Variants in EPAS1 observed in about 807,000 individuals in gnomAD.
The protein encoded by EPAS1 is endothelial PAS domain-containing protein 1.
A neutral mutation model predicts 87.9 loss-of-function variants in EPAS1; 23 were observed. The observed-to-expected ratio is 0.26, with a 90% confidence interval of 0.19 to 0.37. The LOEUF is 0.37. Among genes scored for constraint, EPAS1 ranks in the 10% least tolerant of loss-of-function variants. The probability of loss-of-function intolerance (pLI) is 1.00; values close to 1 mark genes in which losing one functional copy is unlikely to be tolerated. For synonymous variants in EPAS1, 508 were observed against 444.3 expected (o/e 1.14, Z -1.80); for missense variants, 1,138 against 1,120.7 (o/e 1.02, Z -0.22).
In EPAS1 at chr2:46,297,932, G is replaced by A. The variant is rs1167162271; in HGVS notation, c.21G>A (p.Lys7=). MTADKE[K]KRSSSERRKE... ...CGACAATGACAGCTGACAAGGAGAA[G>A]AAAAGGTAAGCGGGCGTCCGGGCCG... Residue 7 remains lysine (K), a synonymous_variant, in exon 1 of 16, where the codon AAG becomes AAA. Coordinates refer to ENST00000263734, the MANE Select transcript of EPAS1 (RefSeq NM_001430.5). 2 of 1,612,508 alleles carry A rather than the reference G, an allele frequency of 1.2e-6. No homozygotes were observed. Among genetic ancestry groups the A allele is most frequent in the Non-Finnish European group, 1.7e-6 (2 of 1,179,384 alleles).
intron 1 of EPAS1, among the ~76,000 whole-genome samples, chr2:46,343,696 C>T (rs1683954842): frequency 6.6e-6 from 1 of 152,220 alleles, no homozygotes; most frequent in Non-Finnish European, 1.5e-5. Flanking sequence ...CAAGAGGCTG[C>T]CTAAGATTCT....
At chr2:46,336,119 A>T (rs1367199609) in intron 1 of EPAS1, among the ~76,000 whole-genome samples, 1 of 152,154 alleles carries the variant, frequency 6.6e-6, no homozygotes, top group African/African-American at 2.4e-5. Context: ...TGGGCTGGGG[A>T]TGGAGGCCAA....
chr2:46,308,984 C>T (rs1683162760), intron 1 of EPAS1, among the ~76,000 whole-genome samples: 1 of 152,236 alleles, frequency 6.6e-6, no homozygotes, highest in South Asian at 2.1e-4. Context: ...TGTCCCTGAT[C>T]ACCACTCAAG....
rs764986922 is a variant in EPAS1 at position 46,360,851 on chromosome 2, G to T, written c.574-34G>T. 5 of 1,613,966 alleles carry T rather than the reference G, an allele frequency of 3.1e-6. No homozygotes were observed. The East Asian group carries it at 1.1e-4, about 36-fold the overall frequency. On this transcript the variant is annotated intron_variant, in intron 5 of 15. Coordinates refer to ENST00000263734, the MANE Select transcript of EPAS1 (RefSeq NM_001430.5). This position sits in a 1 kb window ranked among gnomAD's most constrained non-coding sequence, Gnocchi z 4.5. Reference sequence around the variant, plus strand: ...CCCTACCCCCACCCCCAGCACTCTCGGCTCCATGTCTGACCCTTCCACGCC... The same window carrying T: ...CCCTACCCCCACCCCCAGCACTCTCTGCTCCATGTCTGACCCTTCCACGCC...
chr2:46,328,041 C>T (rs1412788476), intron 1 of EPAS1, among the ~76,000 whole-genome samples: 1 of 152,226 alleles, frequency 6.6e-6, no homozygotes, highest in East Asian at 1.9e-4. Flanking sequence ...TGGCAACAGC[C>T]TCAAATTTTT....
Position 46,346,486 on chromosome 2 carries a change from G to A in EPAS1, c.27-387G>A, listed in dbSNP as rs1228235832. The stretch of plus-strand genomic sequence containing the variant: ...TCCAGAGCCCTTGACAAAGCCATCT[G>A]AGCCACTGATCATAGCTTCCTTACC... On this transcript the variant is annotated intron_variant, in intron 1 of 15. Transcript: ENST00000263734. The surrounding 1 kb of genome is among the most constrained non-coding windows in gnomAD (Gnocchi z 4.0). Among the ~76,000 whole-genome samples, 3 of 152,174 alleles carry A rather than the reference G, an allele frequency of 2.0e-5. No individual in the cohort carries two copies. The highest frequency in any genetic ancestry group is 4.8e-5 in the African/African-American group (2 of 41,424).
chr2:46,369,335 C>T (rs1684574098), intron 6 of EPAS1, among the ~76,000 whole-genome samples: 1 of 152,124 alleles, frequency 6.6e-6, no homozygotes, highest in South Asian at 2.1e-4. Context: ...TACCTGGGGC[C>T]ACATAATTTT....
rs960839207 is a variant in EPAS1 at position 46,386,206 on chromosome 2, C to A, written c.*1546C>A. On this transcript the variant is annotated 3_prime_UTR_variant, in exon 16 of 16. Coordinates refer to ENST00000263734, the MANE Select transcript of EPAS1 (RefSeq NM_001430.5). Reference sequence around the variant, plus strand: ...AAGAGGGACGACACCTCTGGTTTTTCAATACCAATTACATGGAACTTTTCT... The same window carrying A: ...AAGAGGGACGACACCTCTGGTTTTTAAATACCAATTACATGGAACTTTTCT... 5.9e-5 allele frequency: 9 copies of A among 152,628 alleles called. No individual in the cohort carries two copies. Among genetic ancestry groups the A allele is most frequent in the African/African-American group, 2.2e-4 (9 of 41,448 alleles). The allele number at this position is 152,628 out of a possible 1,614,324, so 9.5% of individuals were successfully genotyped here.
In EPAS1 at chr2:46,380,595, A is replaced by G. The variant is rs142779299; in HGVS notation, c.1923A>G (p.Pro641=). Residue 641 remains proline, a synonymous_variant, in exon 12 of 16, where the codon CCA becomes CCG. Coordinates refer to ENST00000263734, the MANE Select transcript of EPAS1 (RefSeq NM_001430.5). This position sits in a 1 kb window ranked among gnomAD's most constrained non-coding sequence, Gnocchi z 4.4. ...GCAGATCCAATACCCAGTGGCCCCC[A>G]GATCCACCATTACATTTTGGGCCCA... ...MGGRSNTQWP[P]DPPLHFGPTK... is the part of the protein sequence containing the mutation. 26 of 1,613,908 alleles carry G rather than the reference A, an allele frequency of 1.6e-5. No homozygotes were observed. Among genetic ancestry groups the G allele is most frequent in the Non-Finnish European group, 1.2e-5 (14 of 1,179,972 alleles).
At chr2:46,331,741 T>A (rs1214991292) in intron 1 of EPAS1, among the ~76,000 whole-genome samples, 1 of 152,162 alleles carries the variant, frequency 6.6e-6, no homozygotes, top group Non-Finnish European at 1.5e-5. Flanking sequence ...ATTCAGAGTA[T>A]CCTGGACACA....
At chr2:46,373,169 C>CA (rs1684663608) in intron 7 of EPAS1, among the ~76,000 whole-genome samples, 1 of 152,142 alleles carries the variant, frequency 6.6e-6, no homozygotes, top group African/African-American at 2.4e-5. Context: ...CTCCCTGTGG[C>CA]ACAGGGTTTT....
chr2:46,349,691 G>A (rs943872880), intron 2 of EPAS1, among the ~76,000 whole-genome samples: 1 of 152,258 alleles, frequency 6.6e-6, no homozygotes, highest in African/African-American at 2.4e-5. Flanking sequence ...GCCCAGGGAG[G>A]AGGAGATGGT....
chr2:46,359,274 A>AAAAAAAAAAAAAAAAC, intron 4 of EPAS1, among the ~76,000 whole-genome samples: 2 of 148,664 alleles, frequency 1.3e-5, no homozygotes, highest in African/African-American at 2.5e-5. Flanking sequence ...AAAAAAAAAA[A>AAAAAAAAAAAAAAAAC]AAAAAAAGAT....
rs570553380 is a variant in EPAS1 at position 46,360,892 on chromosome 2, A to G, written c.581A>G (p.His194Arg). The G allele has an allele frequency of 9.1e-5, 147 of 1,614,116 alleles. 19 individuals carry two copies. In the Admixed American group the frequency reaches 2.4e-3, roughly 26 times the overall value. Residue 194 changes from histidine to arginine, a missense_variant, in exon 6 of 16, where the codon CAC (histidine) becomes CGC (arginine). Transcript: ENST00000263734. The surrounding 1 kb of genome is among the most constrained non-coding windows in gnomAD (Gnocchi z 4.5). ...NLKSATWKVL[H>R]CTGQVKVYNN... The stretch of plus-strand genomic sequence containing the variant: ...CTTCCACGCCTGTCTCAGGTCTTGC[A>G]CTGCACGGGCCAGGTGAAAGTCTAC...
intron 1 of EPAS1, among the ~76,000 whole-genome samples, chr2:46,315,652 A>G (rs1265183094): frequency 6.6e-6 from 1 of 152,138 alleles, no homozygotes; most frequent in Non-Finnish European, 1.5e-5. Flanking sequence ...CTTGCATAAT[A>G]TTTCCTTGCT....
At chr2:46,361,125 G>A (rs371711848) in intron 6 of EPAS1, 35 bp downstream of exon 6, 31 of 1,607,026 alleles carry the variant, frequency 1.9e-5, no homozygotes, top group Non-Finnish European at 2.6e-5. Flanking sequence ...TGTGGGCAGA[G>A]ATGGGTCTTA....
chr2:46,305,699 T>C (rs1487388544), intron 1 of EPAS1, among the ~76,000 whole-genome samples: 1 of 109,656 alleles, frequency 9.1e-6, no homozygotes, highest in Non-Finnish European at 1.8e-5. Context: ...CATACACCCC[T>C]AGTGACTTCT....
rs766752818 is a variant in EPAS1 at position 46,382,463 on chromosome 2, C to A, written c.2326C>A (p.Pro776Thr). The change falls in exon 15 of 16, where the codon CCC (proline) becomes ACC (threonine). Residue 776 changes from proline (P) to threonine (T), a missense_variant. Pro to Thr is a conservative substitution (Grantham distance 38, BLOSUM62 -1). This residue lies in a region of EPAS1 where 502 missense variants were observed against 427.1 expected (regional missense o/e 1.18). Coordinates refer to ENST00000263734, the MANE Select transcript of EPAS1 (RefSeq NM_001430.5). ...AAACCCCATGAGGGGCCTGGGCCAT[C>A]CCCTGAGACATCTGCCGCTGCCACA... Reference protein sequence around the residue: ...TQNPMRGLGHPLRHLPLPQPP... With the variant: ...TQNPMRGLGHTLRHLPLPQPP... The A allele has an allele frequency of 1.5e-5, 25 of 1,614,060 alleles. No individual in the cohort carries two copies. The highest frequency in any genetic ancestry group is 3.3e-5 in the Admixed American group (2 of 60,016).
intron 1 of EPAS1, among the ~76,000 whole-genome samples, chr2:46,309,338 G>A (rs1358601790): frequency 6.6e-6 from 1 of 152,218 alleles, no homozygotes; most frequent in East Asian, 1.9e-4. Context: ...CACTCAGGAT[G>A]TCCTAAAATG....
Sources: gnomAD v4.1 joint callset for allele counts (sites outside exome capture counted in the v4.1 genomes callset) on GRCh38, gnomAD v4.1.1 for gene constraint, gnomAD v4.1.1 regional missense constraint, Gnocchi (gnomAD v3.1) non-coding constraint, MANE v1.5 for transcripts, NCBI Gene and HGNC (gene_info 2026-07-23, HGNC 2026-07-21) for gene names.